Variants in ANO4 observed in about 807,000 individuals in gnomAD.
ANO4 encodes the protein anoctamin-4.
Under a neutral mutation model 141.9 loss-of-function variants are expected in ANO4, and 69 were observed. That is an observed-to-expected ratio of 0.49 (90% confidence interval 0.40 to 0.59). The LOEUF (loss-of-function observed/expected upper bound fraction) is 0.59. Ranked by LOEUF, ANO4 falls within the 20% of genes least tolerant of loss-of-function variation. The pLI is 0.00. For missense variants in ANO4, 894 were observed against 1,162.2 expected (o/e 0.77, Z 3.36); for synonymous variants, 350 against 394.3 (o/e 0.89, Z 1.33).
At chr12:101,064,036 T>G (rs1434735231) in intron 14 of ANO4, among the ~76,000 whole-genome samples, 1 of 152,030 alleles carries the variant, frequency 6.6e-6, no homozygotes, top group African/African-American at 2.4e-5. Context: ...TTTTTGCTGT[T>G]ATCTTTCATT....
chr12:100,837,720 T>TTA (rs775079145), intron 1 of ANO4, among the ~76,000 whole-genome samples: 3 of 122,648 alleles, frequency 2.4e-5, no homozygotes, highest in African/African-American at 9.4e-5. Context: ...ACCTTGTCTC[T>TTA]AAAAAAAAAA....
chr12:100,883,588 A>G (rs1055819628), intron 1 of ANO4, among the ~76,000 whole-genome samples: 2 of 152,052 alleles, frequency 1.3e-5, no homozygotes, highest in Admixed American at 1.3e-4. Flanking sequence ...TGACATGTTT[A>G]TTTTTTCCTT....
chr12:100,885,897 G>T (rs1270101622), intron 1 of ANO4, among the ~76,000 whole-genome samples: 4 of 152,158 alleles, frequency 2.6e-5, no homozygotes, highest in Non-Finnish European at 5.9e-5. Flanking sequence ...GGCAGTACTA[G>T]GTGAACATTT....
chr12:100,717,465 C>T, upstream of ANO4: 1 of 397,716 alleles, frequency 2.5e-6, no homozygotes, highest in Admixed American at 4.4e-5. Flanking sequence ...TCCAGGGGCG[C>T]AGCGCGCAGG....
At chr12:100,773,110 T>C (rs11110513) in intron 3 of ANO4, among the ~76,000 whole-genome samples, 101,841 of 152,072 alleles carry the variant, frequency 0.67, 34,282 homozygotes, top group East Asian at 0.79. Context: ...ATGATCAAGG[T>C]ACCAGCAGAT....
rs1032739207 is a variant in ANO4, at chr12:101,016,149, A to G, written c.735-3885A>G. On this transcript the variant is annotated intron_variant, in intron 8 of 27. Transcript: ENST00000392977. ...CCTGTGTTAGGTTATTTGCATTGCTATAAAGGAATACCTGAGACTGGGTAG... is the reference window on the plus strand; with the variant it reads ...CCTGTGTTAGGTTATTTGCATTGCTGTAAAGGAATACCTGAGACTGGGTAG... Among the ~76,000 whole-genome samples the G allele has an allele frequency of 3.9e-5, 6 of 152,170 alleles. No homozygotes were observed. The East Asian group carries it at 9.6e-4, about 24-fold the overall frequency.
At chr12:101,055,312 A>T (rs139563492) in intron 14 of ANO4, among the ~76,000 whole-genome samples, 2 of 152,354 alleles carry the variant, frequency 1.3e-5, no homozygotes, top group African/African-American at 4.8e-5. Flanking sequence ...TGAGAATTCC[A>T]GGTGTTCCAC....
chr12:101,004,903 A>G (rs822103), intron 8 of ANO4, among the ~76,000 whole-genome samples: 23,256 of 152,224 alleles, frequency 0.15, 2,113 homozygotes, highest in East Asian at 0.24. Context: ...AAAAAGAGCA[A>G]TGAAAACAGG....
At chr12:100,785,383 C>A (rs1346311283) in intron 3 of ANO4, among the ~76,000 whole-genome samples, 1 of 152,188 alleles carries the variant, frequency 6.6e-6, no homozygotes, top group Admixed American at 6.5e-5. Flanking sequence ...TAAAAATCTC[C>A]TGTGCTCTGC....
rs58531105 is a variant in ANO4 at position 100,830,427 on chromosome 12, G to A, written c.-141+35400G>A. On this transcript the variant is annotated intron_variant, in intron 1 of 27. Coordinates refer to ENST00000392977, the MANE Select transcript of ANO4 (RefSeq NM_001286615.2). Reference sequence around the variant, plus strand: ...GCGCTTTGAGAATTAGGCAGTGCTCGGGAGTCCATTTTATTTTTCTACTTG... The same window carrying A: ...GCGCTTTGAGAATTAGGCAGTGCTCAGGAGTCCATTTTATTTTTCTACTTG... 4.8e-3 allele frequency among the ~76,000 whole-genome samples: 725 copies of A among 152,126 alleles called. 8 individuals carry two copies. The highest frequency in any genetic ancestry group is 0.017 in the African/African-American group (700 of 41,514).
intron 1 of ANO4, among the ~76,000 whole-genome samples, chr12:100,815,569 G>A (rs1482610717): frequency 6.6e-6 from 1 of 151,982 alleles, no homozygotes. Flanking sequence ...GGATTACGTA[G>A]GTGATAAATT....
intron 3 of ANO4, among the ~76,000 whole-genome samples, chr12:100,932,957 C>A (rs913375510): frequency 2.0e-5 from 3 of 152,044 alleles, no homozygotes; most frequent in Non-Finnish European, 4.4e-5. Context: ...TTGAGTATCC[C>A]CCTTGCCTTC....
chr12:100,723,485 C>T (rs547420868), intron 1 of ANO4, among the ~76,000 whole-genome samples: 8 of 152,096 alleles, frequency 5.3e-5, no homozygotes, highest in Non-Finnish European at 1.0e-4. Flanking sequence ...CTAATCCCAT[C>T]ACCGGGGGCC....
At chr12:100,806,795 G>T (rs148112897) in intron 1 of ANO4, among the ~76,000 whole-genome samples, 2,033 of 151,816 alleles carry the variant, frequency 0.013, 52 homozygotes, top group African/African-American at 0.047. Flanking sequence ...GCCTGCCTTG[G>T]CCTCCCAAAG....
At chr12:100,911,100 A>C (rs931391514) in intron 2 of ANO4, among the ~76,000 whole-genome samples, 1 of 152,184 alleles carries the variant, frequency 6.6e-6, no homozygotes, top group Non-Finnish European at 1.5e-5. Flanking sequence ...TTATAGCTAC[A>C]ATATATTAAG....
chr12:101,046,685 C>T (rs985537333), intron 13 of ANO4, among the ~76,000 whole-genome samples: 2 of 152,022 alleles, frequency 1.3e-5, no homozygotes, highest in African/African-American at 2.4e-5. Context: ...GAACCGGAGC[C>T]CCTATAACCT....
chr12:100,966,876 C>CACACAT (rs1433056099), intron 5 of ANO4, among the ~76,000 whole-genome samples: 2 of 132,730 alleles, frequency 1.5e-5, no homozygotes, highest in Non-Finnish European at 3.2e-5. Context: ...TATATATACA[C>CACACAT]ACACACATAC....
chr12:101,094,473 A>G (rs2049901924), intron 18 of ANO4, among the ~76,000 whole-genome samples, 181 bp downstream of exon 18: 1 of 152,156 alleles, frequency 6.6e-6, no homozygotes. Context: ...TTCTATATAA[A>G]TCTTTAAAAT....
intron 14 of ANO4, among the ~76,000 whole-genome samples, chr12:101,065,874 C>T (rs1009884548): frequency 2.0e-5 from 3 of 152,052 alleles, no homozygotes; most frequent in African/African-American, 7.2e-5. Context: ...AAAATATTGG[C>T]AATCAAAATT....
Sources: gnomAD v4.1 joint callset for allele counts (sites outside exome capture counted in the v4.1 genomes callset) on GRCh38, gnomAD v4.1.1 for gene constraint, MANE v1.5 for transcripts, NCBI Gene and HGNC (gene_info 2026-07-23, HGNC 2026-07-21) for gene names.